The following NINJ2 variants were observed in gnomAD, a reference collection of about 807,000 sequenced individuals.
The protein encoded by NINJ2 is ninjurin 2.
Under a neutral mutation model 11.7 loss-of-function variants are expected in NINJ2, and 12 were observed. The ratio of observed to expected loss-of-function variants is 1.02; its 90% confidence interval spans 0.66 to 1.66. The LOEUF (loss-of-function observed/expected upper bound fraction) is 1.66, where lower values mean the gene tolerates loss of function less well. NINJ2 is among the 40% of genes most tolerant of loss of function. NINJ2 has a pLI of 0.00. For missense variants in NINJ2, 187 were observed against 181.8 expected (o/e 1.03, Z -0.16); for synonymous variants, 93 against 76.8 (o/e 1.21, Z -1.10).
chr12:627,642 T>C (rs556356915), intron 1 of NINJ2, among the ~76,000 whole-genome samples: 1 of 152,316 alleles, frequency 6.6e-6, no homozygotes, highest in African/African-American at 2.4e-5. Context: ...TGCACACACA[T>C]TAAGGGTGGC....
intron 1 of NINJ2, among the ~76,000 whole-genome samples, chr12:579,622 A>C (rs1441263030): frequency 6.6e-6 from 1 of 152,198 alleles, no homozygotes; most frequent in African/African-American, 2.4e-5. Flanking sequence ...GGACAAATAC[A>C]TAATTGATCC....
chr12:585,981 G>C lies in NINJ2; in HGVS notation c.34-19803C>G, dbSNP rs1180215903. 6.6e-6 allele frequency: 1 copy of C among 152,196 alleles called. No individual in the cohort carries two copies. Among genetic ancestry groups the C allele is most frequent in the Non-Finnish European group, 1.5e-5 (1 of 68,050 alleles). The allele number at this position is 152,196 out of a possible 1,614,324, so 9.4% of individuals were successfully genotyped here. On this transcript the variant is annotated intron_variant, in intron 1 of 3. Transcript: ENST00000305108. The surrounding 1 kb of genome is among the most constrained non-coding windows in gnomAD (Gnocchi z 4.1). ...CACAGAAGCTCTGCGCTGGGAACCAGTACCCTAACAGAGGAGACTGGTAAA... is the reference window on the plus strand; with the variant it reads ...CACAGAAGCTCTGCGCTGGGAACCACTACCCTAACAGAGGAGACTGGTAAA...
rs776475549 is a variant in NINJ2 at position 565,389 on chromosome 12, A to G, written c.275T>C (p.Leu92Pro). ...VLLVVIARLN[L>P]NEVEKQWRLN... Reference sequence around the variant, plus strand: ...TCGCCACTGCTTTTCTACCTCATTCAGGTTCAGCCGTGCTGCAGGGAAGTG... The same window carrying G: ...TCGCCACTGCTTTTCTACCTCATTCGGGTTCAGCCGTGCTGCAGGGAAGTG... The change falls in exon 3 of 4, where the codon CTG becomes CCG. Residue 92 changes from leucine (L) to proline (P), a missense_variant. Transcript: ENST00000305108. 5 of 1,614,060 alleles carry G rather than the reference A, an allele frequency of 3.1e-6. No homozygotes were observed. The East Asian group carries it at 1.1e-4, about 36-fold the overall frequency.
intron 1 of NINJ2, among the ~76,000 whole-genome samples, chr12:576,047 C>T (rs1947453979): frequency 1.3e-5 from 2 of 152,184 alleles, no homozygotes; most frequent in Non-Finnish European, 2.9e-5. Flanking sequence ...GCAGTGATCT[C>T]GCCCTTAAAA....
In NINJ2 at chr12:611,191, TTTTC is replaced by T. The variant is rs753815215; in HGVS notation, c.34-45017_34-45014del. ...TTTCTTTCCTTCTTTTCTTTCCTCC[TTTTC>T]TTTCTTTTTCTTTCCCTCTTTCTTT... On this transcript the variant is annotated intron_variant, in intron 1 of 3. Transcript: ENST00000305108. Among the ~76,000 whole-genome samples the T allele has an allele frequency of 2.6e-4, 40 of 152,138 alleles. No homozygotes were observed. The South Asian group carries it at 6.4e-3, about 25-fold the overall frequency.
intron 1 of NINJ2, among the ~76,000 whole-genome samples, chr12:638,512 T>C (rs1948379849): frequency 6.6e-6 from 1 of 152,178 alleles, no homozygotes; most frequent in African/African-American, 2.4e-5. Flanking sequence ...GCCTCCCAGG[T>C]TCACGCCATT....
At chr12:660,773 C>T (rs1484440048) in intron 1 of NINJ2, among the ~76,000 whole-genome samples, 1 of 152,064 alleles carries the variant, frequency 6.6e-6, no homozygotes, top group East Asian at 1.9e-4. Context: ...CTAGCCTGGC[C>T]AATATGATGA....
intron 1 of NINJ2, among the ~76,000 whole-genome samples, chr12:567,066 A>T (rs1947310511): frequency 6.6e-6 from 1 of 152,216 alleles, no homozygotes; most frequent in African/African-American, 2.4e-5. Flanking sequence ...AAGCAGGGAG[A>T]GTCATTTAAA....
chr12:615,567 C>T (rs111864926), intron 1 of NINJ2, among the ~76,000 whole-genome samples: 9 of 152,088 alleles, frequency 5.9e-5, no homozygotes, highest in African/African-American at 1.9e-4. Flanking sequence ...TAGCCCCGGG[C>T]GACAAGAGCG....
chr12:566,268 T>G, intron 1 of NINJ2, 90 bp from the exon 2 acceptor site: 7 of 1,082,414 alleles, frequency 6.5e-6, no homozygotes, highest in Non-Finnish European at 9.4e-6. Context: ...TTTAAAGCTC[T>G]TTCCAATCCA....
chr12:572,209 C>A (rs1299605634), intron 1 of NINJ2, among the ~76,000 whole-genome samples: 1 of 152,224 alleles, frequency 6.6e-6, no homozygotes, highest in African/African-American at 2.4e-5. Flanking sequence ...ATCCCGGGGG[C>A]TGAGGACATC....
At chr12:622,644 A>G (rs1278940681) in intron 1 of NINJ2, among the ~76,000 whole-genome samples, 1 of 152,100 alleles carries the variant, frequency 6.6e-6, no homozygotes. Context: ...CCTGACACCC[A>G]GTTCCCACCT....
chr12:663,075 A>G (rs41518048), intron 1 of NINJ2, among the ~76,000 whole-genome samples: 2,925 of 152,324 alleles, frequency 0.019, 78 homozygotes, highest in African/African-American at 0.066. Flanking sequence ...TTTGACTGAC[A>G]AGAGGAAGCA....
At chr12:648,558 T>C (rs1212189073) in intron 1 of NINJ2, among the ~76,000 whole-genome samples, 1 of 152,138 alleles carries the variant, frequency 6.6e-6, no homozygotes, top group East Asian at 1.9e-4. Context: ...TGTTCATGAG[T>C]GTTCTTTGCT....
chr12:622,179 T>A (rs371892600), intron 1 of NINJ2, among the ~76,000 whole-genome samples: 1 of 146,044 alleles, frequency 6.8e-6, no homozygotes, highest in Non-Finnish European at 1.5e-5. Flanking sequence ...CCCAGCACTC[T>A]GGGAGGCCGA....
At chr12:619,700 C>T (rs1948131388) in intron 1 of NINJ2, among the ~76,000 whole-genome samples, 1 of 152,052 alleles carries the variant, frequency 6.6e-6, no homozygotes, top group African/African-American at 2.4e-5. Flanking sequence ...TAGAATGATT[C>T]CTTGGGAAAA....
intron 1 of NINJ2, among the ~76,000 whole-genome samples, chr12:638,382 A>G (rs1484959424): frequency 6.6e-6 from 1 of 151,852 alleles, no homozygotes; most frequent in Non-Finnish European, 1.5e-5. Flanking sequence ...CTTTTCACCC[A>G]CCACTGAGTA....
At chr12:574,033 C>A (rs1293763118) in intron 1 of NINJ2, among the ~76,000 whole-genome samples, 2 of 152,100 alleles carry the variant, frequency 1.3e-5, no homozygotes, top group African/African-American at 2.4e-5. Flanking sequence ...ACCAGCCTGG[C>A]CAACATGATG....
At chr12:650,080 ATT>A (rs11400576) in intron 1 of NINJ2, among the ~76,000 whole-genome samples, 1 of 144,220 alleles carries the variant, frequency 6.9e-6, no homozygotes, top group African/African-American at 2.5e-5. Flanking sequence ...AGATTAGTAG[ATT>A]TTTTTTTTTT....
Sources: allele counts gnomAD v4.1 joint callset (sites outside exome capture counted in the v4.1 genomes callset), GRCh38; gene constraint gnomAD v4.1.1; non-coding constraint Gnocchi (gnomAD v3.1); transcripts MANE v1.5; gene names NCBI Gene and HGNC (gene_info 2026-07-23, HGNC 2026-07-21).